The following PXK variants were observed in gnomAD, a reference collection of about 807,000 sequenced individuals.
PXK encodes PX domain containing serine/threonine kinase like.
A neutral mutation model predicts 84.7 loss-of-function variants in PXK; 35 were observed. The ratio of observed to expected loss-of-function variants is 0.41; its 90% CI spans 0.32 to 0.55. The LOEUF is 0.55. Among genes scored for constraint, PXK ranks in the 20% least tolerant of loss-of-function variants. PXK has a pLI of 0.21. For synonymous variants in PXK, 253 were observed against 260.8 expected (o/e 0.97, Z 0.29); for missense variants, 634 against 699.7 (o/e 0.91, Z 1.06).
chr3:58,348,665 C>G (rs1441875420), intron 1 of PXK, among the ~76,000 whole-genome samples: 2 of 151,910 alleles, frequency 1.3e-5, no homozygotes, highest in African/African-American at 4.8e-5. Context: ...AATCTCAGCA[C>G]TTTGGCAGGT....
intron 1 of PXK, among the ~76,000 whole-genome samples, chr3:58,355,805 G>A (rs2098064623): frequency 6.6e-6 from 1 of 152,316 alleles, no homozygotes; most frequent in Non-Finnish European, 1.5e-5. Flanking sequence ...GACTAGTGAG[G>A]ACTCCCACCT....
In PXK at chr3:58,385,675, TG is replaced by T. The variant is rs1160469592; in HGVS notation, c.388+2976del. 7.9e-5 allele frequency among the ~76,000 whole-genome samples: 12 copies of T among 152,188 alleles called. No individual in the cohort carries two copies. The highest frequency in any genetic ancestry group is 1.3e-4 in the Non-Finnish European group (9 of 68,020). On this transcript the variant is annotated intron_variant, in intron 4 of 17. Transcript: ENST00000356151. The surrounding 1 kb of genome is among the most constrained non-coding windows in gnomAD (Gnocchi z 5.1). The stretch of plus-strand genomic sequence containing the variant: ...CACCATGCCCAGCTAATTTTTTCAT[TG>T]TTTGTAGAGAGGGGGTTTCACTATG...
At position 58,397,548 on chromosome 3, in the gene PXK, C is replaced by T. The variant is rs13317835; in HGVS notation, c.985-57C>T. ...TCAGAGAAGCCTTGGGGCAGGAGCG[C>T]GAGGGTCCACAAAGCCAAAGTGAAG... On this transcript the variant is annotated intron_variant, in intron 10 of 17. Transcript: ENST00000356151. The surrounding 1 kb of genome is among the most constrained non-coding windows in gnomAD (Gnocchi z 4.7). The T allele has an allele frequency of 0.084, 118,494 of 1,413,466 alleles. 5,624 individuals are homozygous for T. The highest frequency in any genetic ancestry group is 0.13 in the Middle Eastern group (736 of 5,620). 87.6% of individuals were successfully genotyped at this position (1,413,466 alleles called of 1,614,324 possible).
chr3:58,372,683 G>A (rs2098392833), intron 3 of PXK, among the ~76,000 whole-genome samples: 1 of 151,592 alleles, frequency 6.6e-6, no homozygotes, highest in African/African-American at 2.4e-5. Context: ...CTGGAATGCA[G>A]TGGCGTGATC....
chr3:58,360,647 C>T lies in PXK; in HGVS notation c.103-5227C>T, dbSNP rs186329901. 1.7e-3 allele frequency among the ~76,000 whole-genome samples: 255 copies of T among 152,086 alleles called. 2 individuals carry two copies. Among genetic ancestry groups the T allele is most frequent in the African/African-American group, 5.8e-3 (241 of 41,470 alleles). ...AGGAGTTTGAGACCAGCCTGGGCAA[C>T]ATGGTGAAACACCGTCTCTACAAAA... On this transcript the variant is annotated intron_variant, in intron 1 of 17. Coordinates refer to ENST00000356151, the MANE Select transcript of PXK (RefSeq NM_017771.5).
intron 1 of PXK, among the ~76,000 whole-genome samples, chr3:58,334,967 G>C (rs1261478804): frequency 6.7e-6 from 1 of 148,610 alleles, no homozygotes; most frequent in Non-Finnish European, 1.5e-5. Context: ...GTCTGTGTGT[G>C]TGTGTGTGTG....
At chr3:58,355,876 A>G (rs2098066804) in intron 1 of PXK, among the ~76,000 whole-genome samples, 1 of 152,178 alleles carries the variant, frequency 6.6e-6, no homozygotes, top group Non-Finnish European at 1.5e-5. Flanking sequence ...TATGTCTGGC[A>G]GGTTGGAGGG....
At chr3:58,386,079 G>T (rs755525991) in intron 4 of PXK, among the ~76,000 whole-genome samples, 1 of 152,120 alleles carries the variant, frequency 6.6e-6, no homozygotes, top group Non-Finnish European at 1.5e-5. Context: ...GCCTGGGACT[G>T]CTGAGCCTTT....
At chr3:58,404,036 C>A in intron 13 of PXK, 126 bp downstream of exon 13, 1 of 499,354 alleles carries the variant, frequency 2.0e-6, no homozygotes, top group Non-Finnish European at 3.4e-6. Flanking sequence ...CCTAAATGTC[C>A]TACAATTAGG....
At position 58,416,314 on chromosome 3, in the gene PXK, G is replaced by A. The variant is rs1004053587; in HGVS notation, c.1528+3351G>A. On this transcript the variant is annotated intron_variant, in intron 17 of 17. Transcript: ENST00000356151. The surrounding 1 kb of genome is among the most constrained non-coding windows in gnomAD (Gnocchi z 4.8). ...ACTTAATTACTTCTAGGGCTAGCTG[G>A]ATGCCTGGAATTTTTCTTAAAGGAA... Among the ~76,000 whole-genome samples the A allele has an allele frequency of 2.0e-5, 3 of 152,152 alleles. No individual in the cohort carries two copies. Among genetic ancestry groups the A allele is most frequent in the Non-Finnish European group, 2.9e-5 (2 of 68,038 alleles).
chr3:58,353,745 T>G (rs1322659458), intron 1 of PXK, among the ~76,000 whole-genome samples: 2 of 152,208 alleles, frequency 1.3e-5, no homozygotes, highest in East Asian at 3.8e-4. Flanking sequence ...ACTGTGATTT[T>G]GAATAGGTAG....
At chr3:58,394,132 A>T (rs568218131) in intron 7 of PXK, among the ~76,000 whole-genome samples, 3 of 152,134 alleles carry the variant, frequency 2.0e-5, no homozygotes, top group Non-Finnish European at 4.4e-5. Context: ...ATGATCAATT[A>T]CTCTGTTTTC....
intron 1 of PXK, among the ~76,000 whole-genome samples, chr3:58,337,226 A>G (rs2097638523): frequency 6.6e-6 from 1 of 152,250 alleles, no homozygotes; most frequent in Admixed American, 6.5e-5. Context: ...TTAAGGCACA[A>G]TAGAAAACAT....
rs1441072896 is a variant in PXK at position 58,414,655 on chromosome 3, AG to A, written c.1528+1694del. ...AGGATTTAGAAGGAAAGCACATGTGAGGCCCCAGCACAATGCCTGGCAGAGT... is the reference window on the plus strand; with the variant it reads ...AGGATTTAGAAGGAAAGCACATGTGAGCCCCAGCACAATGCCTGGCAGAGT... On this transcript the variant is annotated intron_variant, in intron 17 of 17. Coordinates refer to ENST00000356151, the MANE Select transcript of PXK (RefSeq NM_017771.5). This position sits in a 1 kb window ranked among gnomAD's most constrained non-coding sequence, Gnocchi z 4.5. The A allele has an allele frequency of 2.0e-5, 3 of 152,286 alleles. No homozygotes were observed. The highest frequency in any genetic ancestry group is 7.2e-5 in the African/African-American group (3 of 41,568). 9.4% of individuals were successfully genotyped at this position (152,286 alleles called of 1,614,324 possible).
At chr3:58,382,751 C>A in intron 4 of PXK, 51 bp downstream of exon 4, 1 of 1,321,404 alleles carries the variant, frequency 7.6e-7, no homozygotes, top group Non-Finnish European at 1.0e-6. Flanking sequence ...GAGGCACTGT[C>A]CCTTGCTGGA....
rs2058074147 is a variant in PXK, at chr3:58,398,513, A to T, written c.1103-786A>T. Among the ~76,000 whole-genome samples the T allele has an allele frequency of 6.6e-6, 1 of 152,154 alleles. No homozygotes were observed. Among genetic ancestry groups the T allele is most frequent in the Non-Finnish European group, 1.5e-5 (1 of 68,006 alleles). On this transcript the variant is annotated intron_variant, in intron 11 of 17. Coordinates refer to ENST00000356151, the MANE Select transcript of PXK (RefSeq NM_017771.5). This position sits in a 1 kb window ranked among gnomAD's most constrained non-coding sequence, Gnocchi z 4.5. ...GGCAGGCAGGAATGCAGACACCAAG[A>T]CAAATTGGATCCAGGAGCTCTTACA... is the stretch of plus-strand genomic sequence containing the variant.
At chr3:58,355,010 T>G (rs1040527914) in intron 1 of PXK, among the ~76,000 whole-genome samples, 24 of 151,880 alleles carry the variant, frequency 1.6e-4, no homozygotes, top group African/African-American at 5.3e-4. Context: ...TCGCAGCTAC[T>G]TGGGAGGCTG....
chr3:58,409,435 T>TC lies in PXK; in HGVS notation c.1309-94dup, dbSNP rs1414201636. ...CTGAGCAAGGAAAGATTTTCTTTTA[T>TC]CCCAATAAAATGTGGTTTGCCAAAA... On this transcript the variant is annotated intron_variant, in intron 14 of 17. Coordinates refer to ENST00000356151, the MANE Select transcript of PXK (RefSeq NM_017771.5). This position sits in a 1 kb window ranked among gnomAD's most constrained non-coding sequence, Gnocchi z 4.2. The TC allele has an allele frequency of 8.9e-7, 1 of 1,119,238 alleles. No individual in the cohort carries two copies. The highest frequency in any genetic ancestry group is 1.3e-6 in the Non-Finnish European group (1 of 756,606). 69.3% of individuals were successfully genotyped at this position (1,119,238 alleles called of 1,614,324 possible). A position where few individuals can be genotyped will look rare whatever the true frequency, so the allele number is the denominator to read the frequency against.
chr3:58,373,322 A>G (rs1049044285), intron 3 of PXK, among the ~76,000 whole-genome samples: 12 of 151,936 alleles, frequency 7.9e-5, no homozygotes, highest in East Asian at 1.9e-4. Flanking sequence ...TGATCCGCCC[A>G]CCTTGGCCTC....
Sources: allele counts gnomAD v4.1 joint callset (sites outside exome capture counted in the v4.1 genomes callset), GRCh38; gene constraint gnomAD v4.1.1; non-coding constraint Gnocchi (gnomAD v3.1); transcripts MANE v1.5; gene names NCBI Gene and HGNC (gene_info 2026-07-23, HGNC 2026-07-21).